MARCHF1: variants seen among roughly 807,000 people sequenced by gnomAD.
The protein encoded by MARCHF1 is membrane associated ring-CH-type finger 1.
A neutral mutation model predicts 54.2 loss-of-function variants in MARCHF1; 40 were observed. That is an observed-to-expected ratio of 0.74 (90% CI 0.57 to 0.96). The LOEUF (loss-of-function observed/expected upper bound fraction) is 0.96. MARCHF1 is among the 40% of genes least tolerant of loss of function. MARCHF1 has a pLI of 0.00. For missense variants in MARCHF1, 586 were observed against 656.5 expected, an observed-to-expected ratio of 0.89 and a Z score of 1.17; for synonymous variants, 236 against 236.3, an observed-to-expected ratio of 1.00 and a Z score of 0.01.
intron 5 of MARCHF1, among the ~76,000 whole-genome samples, chr4:163,637,018 G>C (rs1226427942): frequency 6.6e-6 from 1 of 151,518 alleles, no homozygotes; most frequent in African/African-American, 2.4e-5. Context: ...TTTAATCAAT[G>C]GTGCTGGGAA....
At chr4:164,235,361 T>C (rs1427029122) in intron 1 of MARCHF1, among the ~76,000 whole-genome samples, 1 of 152,158 alleles carries the variant, frequency 6.6e-6, no homozygotes, top group Non-Finnish European at 1.5e-5. Context: ...AGATCCATTA[T>C]AAAAATAAAT....
chr4:164,308,785 G>C (rs1216236033), intron 1 of MARCHF1, among the ~76,000 whole-genome samples: 6 of 151,948 alleles, frequency 3.9e-5, no homozygotes, highest in Non-Finnish European at 8.8e-5. Flanking sequence ...GGGAACGACA[G>C]ATACTCAAAC....
intron 4 of MARCHF1, among the ~76,000 whole-genome samples, chr4:163,800,232 T>C (rs1748040549): frequency 1.3e-5 from 2 of 152,012 alleles, no homozygotes; most frequent in South Asian, 4.1e-4. Context: ...TCACACAATA[T>C]AGCCAAACCT....
intron 4 of MARCHF1, among the ~76,000 whole-genome samples, chr4:163,755,891 C>T (rs1049072941): frequency 6.6e-6 from 1 of 152,178 alleles, no homozygotes; most frequent in Non-Finnish European, 1.5e-5. Flanking sequence ...AGCGATATTA[C>T]CAATGTTGAA....
rs539591940 is a variant in MARCHF1, at chr4:164,101,570, A to C, written c.-248+10018T>G. ...TGAGGGTCCTCTCTGTTAGAAGGAA[A>C]ACTAACAAACAGAAAGGACATCCAC... On this transcript the variant is annotated intron_variant, in intron 2 of 9. Coordinates refer to ENST00000514618, the MANE Select transcript of MARCHF1 (RefSeq NM_001394959.1). Among the ~76,000 whole-genome samples the C allele has an allele frequency of 5.7e-3, 740 of 130,628 alleles. 9 individuals are homozygous for C. The highest frequency in any genetic ancestry group is 0.019 in the African/African-American group (702 of 36,122). The allele number at this position is 130,628 out of a possible 152,430, so 85.7% of individuals were successfully genotyped here. A position where few individuals can be genotyped will look rare whatever the true frequency, so the allele number is the denominator to read the frequency against.
At chr4:163,745,283 T>G (rs2110751714) in intron 4 of MARCHF1, among the ~76,000 whole-genome samples, 1 of 152,046 alleles carries the variant, frequency 6.6e-6, no homozygotes, top group Admixed American at 6.5e-5. Flanking sequence ...GGCTATTTTT[T>G]TTTGTATTTT....
intron 1 of MARCHF1, among the ~76,000 whole-genome samples, chr4:164,360,855 A>G (rs1183432575): frequency 6.6e-6 from 1 of 152,134 alleles, no homozygotes; most frequent in Non-Finnish European, 1.5e-5. Flanking sequence ...AGAATACCTG[A>G]ACCCATAATT....
At chr4:163,669,651 T>G (rs1743661972) in intron 5 of MARCHF1, among the ~76,000 whole-genome samples, 1 of 150,552 alleles carries the variant, frequency 6.6e-6, no homozygotes, top group Non-Finnish European at 1.5e-5. Flanking sequence ...CAGGCTGGAG[T>G]GCAATGGCAC....
intron 1 of MARCHF1, among the ~76,000 whole-genome samples, chr4:164,362,652 A>C (rs1479650062): frequency 6.6e-6 from 1 of 152,286 alleles, no homozygotes; most frequent in South Asian, 2.1e-4. Flanking sequence ...TAAAACTTAA[A>C]TAGTGATCTC....
intron 1 of MARCHF1, among the ~76,000 whole-genome samples, chr4:164,177,983 C>A (rs1363229897): frequency 6.6e-6 from 1 of 152,284 alleles, no homozygotes; most frequent in Non-Finnish European, 1.5e-5. Flanking sequence ...ATTTGACAAT[C>A]CGTCCTAGAC....
intron 5 of MARCHF1, among the ~76,000 whole-genome samples, chr4:163,636,364 G>A (rs201397800): frequency 0.37 from 46,178 of 125,432 alleles, 8,637 homozygotes; most frequent in East Asian, 0.53. Flanking sequence ...TCAGCCCAAA[G>A]TCTCCTTAAG....
At chr4:164,083,135 C>T (rs948484891) in intron 2 of MARCHF1, among the ~76,000 whole-genome samples, 1 of 152,052 alleles carries the variant, frequency 6.6e-6, no homozygotes, top group Admixed American at 6.6e-5. Context: ...CCTAAGGAAA[C>T]AAAAGTAGTT....
chr4:163,857,729 G>T (rs1241796640), intron 3 of MARCHF1, among the ~76,000 whole-genome samples: 3 of 152,146 alleles, frequency 2.0e-5, no homozygotes, highest in African/African-American at 7.2e-5. Flanking sequence ...CCAAGAAATT[G>T]GGTGTATTTT....
intron 4 of MARCHF1, among the ~76,000 whole-genome samples, chr4:163,808,212 A>G (rs1748279843): frequency 6.6e-6 from 1 of 152,184 alleles, no homozygotes. Context: ...TGCTCACATA[A>G]AATGAAATGT....
chr4:163,856,174 C>T (rs1415820199), intron 3 of MARCHF1, among the ~76,000 whole-genome samples: 6 of 152,256 alleles, frequency 3.9e-5, no homozygotes, highest in African/African-American at 1.4e-4. Flanking sequence ...ATGAAAAAAG[C>T]TATAAACTTT....
intron 1 of MARCHF1, among the ~76,000 whole-genome samples, chr4:164,147,009 C>A (rs1202975058): frequency 6.6e-6 from 1 of 151,600 alleles, no homozygotes; most frequent in Non-Finnish European, 1.5e-5. Context: ...AAAAAGTGGG[C>A]AAAGGACATG....
chr4:164,123,432 A>C (rs1756113439), intron 1 of MARCHF1, among the ~76,000 whole-genome samples: 1 of 152,146 alleles, frequency 6.6e-6, no homozygotes, highest in Non-Finnish European at 1.5e-5. Flanking sequence ...CATTCTTCAC[A>C]GAAATAAAAA....
chr4:163,703,989 C>T (rs912903978), intron 4 of MARCHF1, among the ~76,000 whole-genome samples: 7 of 151,694 alleles, frequency 4.6e-5, no homozygotes, highest in Non-Finnish European at 8.8e-5. Context: ...TCCTTTAAAA[C>T]GAAGTGGTCT....
intron 3 of MARCHF1, among the ~76,000 whole-genome samples, chr4:163,921,864 T>TA (rs910963967): frequency 6.6e-6 from 1 of 151,996 alleles, no homozygotes; most frequent in Non-Finnish European, 1.5e-5. Flanking sequence ...TATACAGTAT[T>TA]AAAAAAATAT....
Sources: allele counts gnomAD v4.1 joint callset (sites outside exome capture counted in the v4.1 genomes callset), GRCh38; gene constraint gnomAD v4.1.1; transcripts MANE v1.5; gene names NCBI Gene and HGNC (gene_info 2026-07-23, HGNC 2026-07-21).